The following SMAP2 variants were observed in gnomAD, a reference collection of about 807,000 sequenced individuals.
The protein encoded by SMAP2 is small ArfGAP2.
A neutral mutation model predicts 56.4 loss-of-function variants in SMAP2; 25 were observed. The observed-to-expected ratio is 0.44, with a 90% CI of 0.32 to 0.62. SMAP2 has a LOEUF of 0.62. Ranked by LOEUF, SMAP2 falls within the 20% of genes least tolerant of loss-of-function variation. The pLI, the probability that SMAP2 is intolerant of heterozygous loss-of-function variation, is 0.04. For synonymous variants in SMAP2, 157 were observed against 181.7 expected, an observed-to-expected ratio of 0.86 and a Z score of 1.09; for missense variants, 388 against 545.6, an observed-to-expected ratio of 0.71 and a Z score of 2.88.
intron 1 of SMAP2, among the ~76,000 whole-genome samples, chr1:40,380,123 T>G (rs1644582930): frequency 1.3e-5 from 2 of 152,216 alleles, no homozygotes; most frequent in Admixed American, 6.5e-5. Flanking sequence ...ATCATAAATT[T>G]TTTAATCTTG....
chr1:40,407,488 T>G (rs1644896530), intron 2 of SMAP2, among the ~76,000 whole-genome samples: 1 of 152,048 alleles, frequency 6.6e-6, no homozygotes, highest in Admixed American at 6.6e-5. Context: ...AGACCCTGTC[T>G]CAAAAAAATA....
Position 40,416,335 on chromosome 1 carries a change from A to G in SMAP2, c.841A>G (p.Thr281Ala). The G allele has an allele frequency of 1.2e-6, 2 of 1,612,834 alleles. No individual in the cohort carries two copies. The highest frequency in any genetic ancestry group is 1.7e-6 in the Non-Finnish European group (2 of 1,179,538). Residue 281 changes from threonine to alanine, a missense_variant, in exon 8 of 10, where the codon ACT (threonine) becomes GCT (alanine). Thr to Ala is a moderately conservative substitution (Grantham distance 58). Coordinates refer to ENST00000372718, the MANE Select transcript of SMAP2 (RefSeq NM_022733.3). ...LYGSQTPQMP[T>A]QAMFMAPAQM... ...TGGATCCCAGACGCCTCAAATGCCTACTCAAGGTAGATTTCATGGGTGTCA... is the reference window on the plus strand; with the variant it reads ...TGGATCCCAGACGCCTCAAATGCCTGCTCAAGGTAGATTTCATGGGTGTCA...
Position 40,376,261 on chromosome 1 carries a change from G to A in SMAP2, c.103+2038G>A, listed in dbSNP as rs144658549. 3.1e-3 allele frequency among the ~76,000 whole-genome samples: 476 copies of A among 151,962 alleles called. 5 individuals carry two copies. Among genetic ancestry groups the A allele is most frequent in the African/African-American group, 0.011 (437 of 41,316 alleles). ...CCACCATGCCCAGCCCGAAATTTCC[G>A]TTGCTTTTTATTAATAAGCTTACTG... On this transcript the variant is annotated intron_variant, in intron 1 of 9. Transcript: ENST00000372718.
chr1:40,362,898 CAGCAGGGCAGAAGCT>C (rs1212214655), intron 2 of SMAP2, among the ~76,000 whole-genome samples: 1 of 152,116 alleles, frequency 6.6e-6, no homozygotes, highest in Non-Finnish European at 1.5e-5. Flanking sequence ...CAGCTTGGAG[CAGCAGGGCAGAAGCT>C]TCAGGATGGA....
rs1644986289 is a variant in SMAP2 at position 40,416,283 on chromosome 1, C to G, written c.789C>G (p.Leu263=). 5.6e-6 allele frequency: 9 copies of G among 1,614,140 alleles called. No homozygotes were observed. Among genetic ancestry groups the G allele is most frequent in the Non-Finnish European group, 7.6e-6 (9 of 1,180,024 alleles). The part of the protein sequence containing the change: ...SKSEEIGKKQ[L]SKDSILSLYG... ...CAGAAGAAATAGGCAAGAAACAGCT[C>G]TCTAAAGACTCCATTCTTTCACTGT... Residue 263 remains leucine (L), a synonymous_variant, in exon 8 of 10, where the codon CTC becomes CTG. Coordinates refer to ENST00000372718, the MANE Select transcript of SMAP2 (RefSeq NM_022733.3).
intron 1 of SMAP2, among the ~76,000 whole-genome samples, chr1:40,356,531 C>T (rs1343181474): frequency 1.3e-5 from 2 of 151,876 alleles, no homozygotes; most frequent in Admixed American, 1.3e-4. Flanking sequence ...CTGCCTCAGC[C>T]TCCTGAGTAG....
chr1:40,389,269 C>T (rs2124267003), intron 1 of SMAP2, among the ~76,000 whole-genome samples: 1 of 151,896 alleles, frequency 6.6e-6, no homozygotes, highest in African/African-American at 2.4e-5. Flanking sequence ...GATTAGAGGT[C>T]CTACATTAGT....
intron 1 of SMAP2, among the ~76,000 whole-genome samples, chr1:40,379,436 C>T (rs771327333): frequency 4.6e-5 from 7 of 152,126 alleles, no homozygotes; most frequent in Non-Finnish European, 8.8e-5. Context: ...AGAGCATACA[C>T]TTTCCATGCA....
chr1:40,405,221 G>A (rs955246806), intron 1 of SMAP2, among the ~76,000 whole-genome samples: 11 of 152,248 alleles, frequency 7.2e-5, no homozygotes, highest in African/African-American at 2.2e-4. Context: ...AGGCACAATG[G>A]CTCACACCTG....
At chr1:40,354,308 T>C (rs1249415062) in intron 1 of SMAP2, among the ~76,000 whole-genome samples, 1 of 152,128 alleles carries the variant, frequency 6.6e-6, no homozygotes, top group South Asian at 2.1e-4. Flanking sequence ...TGGGTGTTGA[T>C]AATAGTAAGA....
intron 1 of SMAP2, among the ~76,000 whole-genome samples, chr1:40,358,978 CTT>C (rs1039783912): frequency 2.6e-5 from 4 of 152,056 alleles, no homozygotes; most frequent in Non-Finnish European, 4.4e-5. Context: ...TTCTTTGTCT[CTT>C]TTTATGGTTT....
At chr1:40,383,849 A>T (rs1644626390) in intron 1 of SMAP2, among the ~76,000 whole-genome samples, 1 of 152,092 alleles carries the variant, frequency 6.6e-6, no homozygotes, top group Non-Finnish European at 1.5e-5. Flanking sequence ...ATACACAGAA[A>T]ATGTTGAGGA....
At chr1:40,350,303 G>T (rs2036197) in intron 1 of SMAP2, among the ~76,000 whole-genome samples, 98,237 of 151,878 alleles carry the variant, frequency 0.65, 32,144 homozygotes, top group East Asian at 0.92. Flanking sequence ...GTGCCTCAGG[G>T]TATACAAGTA....
At chr1:40,364,310 G>A (rs2860343) in intron 2 of SMAP2, among the ~76,000 whole-genome samples, 41,422 of 152,024 alleles carry the variant, frequency 0.27, 5,920 homozygotes, top group Middle Eastern at 0.43. Flanking sequence ...AAAAAAGAGG[G>A]CAAGCAAGGT....
chr1:40,375,223 G>C (rs1644530324), intron 1 of SMAP2, among the ~76,000 whole-genome samples: 1 of 151,968 alleles, frequency 6.6e-6, no homozygotes, highest in Non-Finnish European at 1.5e-5. Flanking sequence ...TTGGAGGATT[G>C]GGAAAATTAT....
intron 1 of SMAP2, among the ~76,000 whole-genome samples, chr1:40,356,334 T>G (rs939108178): frequency 6.6e-6 from 1 of 152,196 alleles, no homozygotes; most frequent in African/African-American, 2.4e-5. Flanking sequence ...TCCTTTCTTT[T>G]GGATATACAC....
chr1:40,348,098 A>G (rs1335302648), intron 1 of SMAP2, among the ~76,000 whole-genome samples: 1 of 152,172 alleles, frequency 6.6e-6, no homozygotes, highest in Non-Finnish European at 1.5e-5. Flanking sequence ...GGAGTTCAAG[A>G]CCAGCCTGGG....
intron 1 of SMAP2, chr1:40,393,496 TGA>T (rs1644737733): frequency 6.5e-7 from 1 of 1,534,828 alleles, no homozygotes. Flanking sequence ...AAGCTATTTG[TGA>T]GAGACTGTAA....
At chr1:40,381,396 G>A (rs906777880) in intron 1 of SMAP2, among the ~76,000 whole-genome samples, 6 of 152,218 alleles carry the variant, frequency 3.9e-5, no homozygotes, top group Non-Finnish European at 8.8e-5. Flanking sequence ...AGAAGGCAAA[G>A]AAGTCTTCCT....
Sources: gnomAD v4.1 joint callset for allele counts (sites outside exome capture counted in the v4.1 genomes callset) on GRCh38, gnomAD v4.1.1 for gene constraint, MANE v1.5 for transcripts, NCBI Gene and HGNC (gene_info 2026-07-23, HGNC 2026-07-21) for gene names.